SMOC1: variants seen among roughly 807,000 people sequenced by gnomAD.
The protein encoded by SMOC1 is SPARC-related modular calcium-binding protein 1.
SMOC1 carries 22 observed loss-of-function variants against 56.3 expected under a neutral mutation model. The ratio of observed to expected loss-of-function variants is 0.39; its 90% CI spans 0.28 to 0.56. SMOC1 has a LOEUF of 0.56. SMOC1 is among the 20% of genes least tolerant of loss of function. The pLI is 0.61. For synonymous variants in SMOC1, 193 were observed against 215.0 expected, an observed-to-expected ratio of 0.90 and a Z score of 0.89; for missense variants, 509 against 565.4, an observed-to-expected ratio of 0.90 and a Z score of 1.01.
chr14:69,957,683 G>A (rs1283632585), intron 3 of SMOC1, among the ~76,000 whole-genome samples: 1 of 152,144 alleles, frequency 6.6e-6, no homozygotes, highest in Non-Finnish European at 1.5e-5. Context: ...CAAAAAAGTA[G>A]ACATAATAGT....
intron 1 of SMOC1, among the ~76,000 whole-genome samples, chr14:69,944,003 T>C (rs1322612832): frequency 6.6e-6 from 1 of 152,010 alleles, no homozygotes; most frequent in Admixed American, 6.6e-5. Context: ...CTGAGAGGAG[T>C]GCTCTACCAC....
chr14:70,001,514 G>A (rs1245100598), intron 7 of SMOC1, among the ~76,000 whole-genome samples: 3 of 152,154 alleles, frequency 2.0e-5, no homozygotes, highest in African/African-American at 4.8e-5. Flanking sequence ...TTAGCTATAT[G>A]TGCATATTTT....
intron 5 of SMOC1, among the ~76,000 whole-genome samples, chr14:69,989,629 G>C (rs1884492179): frequency 6.6e-6 from 1 of 152,214 alleles, no homozygotes; most frequent in Admixed American, 6.5e-5. Flanking sequence ...AGTAAAAGGA[G>C]GGGCTCAACT....
chr14:70,005,056 C>T (rs903250949), intron 7 of SMOC1, among the ~76,000 whole-genome samples: 3 of 152,246 alleles, frequency 2.0e-5, no homozygotes, highest in Non-Finnish European at 2.9e-5. Flanking sequence ...TTTCTGTCTG[C>T]TCCTTTCTTC....
chr14:70,013,291 G>A (rs893412912), intron 9 of SMOC1, 95 bp from the exon 10 acceptor site: 1 of 1,103,750 alleles, frequency 9.1e-7, no homozygotes, highest in African/African-American at 1.5e-5. Flanking sequence ...TGGACAAGAA[G>A]GGCTTTGAGA....
chr14:70,019,065 G>C (rs2139606599), intron 10 of SMOC1, among the ~76,000 whole-genome samples: 1 of 152,368 alleles, frequency 6.6e-6, no homozygotes, highest in Non-Finnish European at 1.5e-5. Flanking sequence ...CTCTCCAGCT[G>C]TGCATTGCAG....
chr14:69,919,832 A>C (rs1884784926), intron 1 of SMOC1, among the ~76,000 whole-genome samples: 1 of 152,284 alleles, frequency 6.6e-6, no homozygotes, highest in Non-Finnish European at 1.5e-5. Context: ...ATAATTTTGG[A>C]TAACTTATAT....
chr14:69,927,497 T>G (rs529168516), intron 1 of SMOC1, among the ~76,000 whole-genome samples: 2 of 152,250 alleles, frequency 1.3e-5, no homozygotes, highest in African/African-American at 4.8e-5. Flanking sequence ...CCTGGGCACA[T>G]GAAAACCTGT....
intron 1 of SMOC1, among the ~76,000 whole-genome samples, chr14:69,902,020 T>A (rs1358490811): frequency 6.6e-6 from 1 of 152,216 alleles, no homozygotes; most frequent in Admixed American, 6.5e-5. Context: ...ACCTCCCAGT[T>A]CTAGGGTGAA....
intron 10 of SMOC1, among the ~76,000 whole-genome samples, chr14:70,019,733 G>C (rs574129539): frequency 4.2e-4 from 64 of 152,242 alleles, no homozygotes; most frequent in African/African-American, 1.4e-3. Flanking sequence ...CTGAAGCTCT[G>C]GGGGAGGCCT....
intron 7 of SMOC1, among the ~76,000 whole-genome samples, chr14:69,998,414 T>G (rs1272994222): frequency 6.7e-6 from 1 of 149,986 alleles, no homozygotes; most frequent in Non-Finnish European, 1.5e-5. Flanking sequence ...TAAGGAAATA[T>G]GAACTCTTGC....
chr14:69,977,822 C>T, intron 4 of SMOC1, 96 bp from the exon 5 acceptor site: 2 of 903,142 alleles, frequency 2.2e-6, no homozygotes, highest in Non-Finnish European at 1.9e-6. Context: ...TATACATGAC[C>T]ATATGCTCAT....
At chr14:69,953,959 C>T (rs1008038179) in intron 3 of SMOC1, among the ~76,000 whole-genome samples, 1 of 152,074 alleles carries the variant, frequency 6.6e-6, no homozygotes, top group African/African-American at 2.4e-5. Context: ...AGTCCTTGAA[C>T]GAAGCAGAGC....
intron 5 of SMOC1, among the ~76,000 whole-genome samples, chr14:69,989,861 A>G (rs948611070): frequency 6.6e-6 from 1 of 152,232 alleles, no homozygotes; most frequent in African/African-American, 2.4e-5. Flanking sequence ...GCTGGGTCAG[A>G]AGCCAGGAGC....
intron 1 of SMOC1, among the ~76,000 whole-genome samples, chr14:69,912,754 C>T (rs997205548): frequency 1.6e-4 from 24 of 152,216 alleles, no homozygotes; most frequent in African/African-American, 5.3e-4. Flanking sequence ...AAGGAAAAGG[C>T]CCTCAGTTTT....
At chr14:69,894,380 C>G (rs879640860) in intron 1 of SMOC1, among the ~76,000 whole-genome samples, 1 of 152,200 alleles carries the variant, frequency 6.6e-6, no homozygotes, top group Non-Finnish European at 1.5e-5. Flanking sequence ...TAGATGGTCT[C>G]AGGAAACTTA....
chr14:69,924,175 T>C (rs1422678411), intron 1 of SMOC1, among the ~76,000 whole-genome samples: 1 of 152,158 alleles, frequency 6.6e-6, no homozygotes, highest in African/African-American at 2.4e-5. Flanking sequence ...ACCCATGCAC[T>C]CAGGCCCCAG....
chr14:69,924,579 C>T (rs1012336461), intron 1 of SMOC1, among the ~76,000 whole-genome samples: 2 of 151,592 alleles, frequency 1.3e-5, no homozygotes, highest in Non-Finnish European at 2.9e-5. Context: ...CATGATCTGA[C>T]CTCTGCCTCT....
chr14:69,943,716 T>A (rs1371667635), intron 1 of SMOC1, among the ~76,000 whole-genome samples: 1 of 152,200 alleles, frequency 6.6e-6, no homozygotes, highest in Non-Finnish European at 1.5e-5. Flanking sequence ...CCAGAAATGC[T>A]TTTTAGTACT....
Sources: gnomAD v4.1 joint callset for allele counts (sites outside exome capture counted in the v4.1 genomes callset) on GRCh38, gnomAD v4.1.1 for gene constraint, MANE v1.5 for transcripts, NCBI Gene and HGNC (gene_info 2026-07-23, HGNC 2026-07-21) for gene names.